Variants in CLSTN2 observed in about 807,000 individuals in gnomAD.
CLSTN2 encodes calsyntenin 2, also known as calsyntenin-2.
A neutral mutation model predicts 101.2 loss-of-function variants in CLSTN2; 48 were observed. That is an observed-to-expected ratio of 0.47 (90% confidence interval 0.38 to 0.60). The LOEUF is 0.60. Ranked by LOEUF, CLSTN2 falls within the 20% of genes least tolerant of loss-of-function variation. The pLI, the probability that CLSTN2 is intolerant of heterozygous loss-of-function variation, is 0.00. For missense variants in CLSTN2, 1,160 were observed against 1,238.2 expected (o/e 0.94, Z 0.95); for synonymous variants, 481 against 463.6 (o/e 1.04, Z -0.48).
chr3:140,168,396 T>C, intron 1 of CLSTN2, among the ~76,000 whole-genome samples: 1 of 152,162 alleles, frequency 6.6e-6, no homozygotes, highest in East Asian at 1.9e-4. Flanking sequence ...AAGAATTATT[T>C]ATATATTTTG....
chr3:140,267,549 AG>A (rs1315164691), intron 2 of CLSTN2, among the ~76,000 whole-genome samples: 3 of 152,224 alleles, frequency 2.0e-5, no homozygotes, highest in Non-Finnish European at 2.9e-5. Flanking sequence ...AATTACTGAA[AG>A]GACCTGAAAA....
chr3:140,195,186 A>C (rs1412360687), intron 2 of CLSTN2, among the ~76,000 whole-genome samples: 2 of 152,192 alleles, frequency 1.3e-5, no homozygotes, highest in Admixed American at 1.3e-4. Flanking sequence ...TGAGTAGAGC[A>C]GCTGTTGTCT....
At chr3:140,187,224 C>G (rs1288097563) in intron 2 of CLSTN2, among the ~76,000 whole-genome samples, 1 of 152,152 alleles carries the variant, frequency 6.6e-6, no homozygotes, top group Non-Finnish European at 1.5e-5. Context: ...TGCTCTGTCT[C>G]CCTGAGATGA....
chr3:140,246,454 T>C (rs565028336), intron 2 of CLSTN2, among the ~76,000 whole-genome samples: 1 of 152,088 alleles, frequency 6.6e-6, no homozygotes. Context: ...ATCGGACATA[T>C]GTGAATCAGA....
At chr3:140,051,776 T>C (rs1197691804) in intron 1 of CLSTN2, among the ~76,000 whole-genome samples, 8 of 152,138 alleles carry the variant, frequency 5.3e-5, no homozygotes, top group Non-Finnish European at 1.2e-4. Flanking sequence ...TCTGGGATTG[T>C]TGTAAAATCC....
At chr3:140,225,702 TG>T (rs1366553917) in intron 2 of CLSTN2, among the ~76,000 whole-genome samples, 1 of 152,142 alleles carries the variant, frequency 6.6e-6, no homozygotes, top group African/African-American at 2.4e-5. Context: ...TTCACCATGT[TG>T]GCAAGGATGT....
chr3:140,100,233 C>T (rs2008942836), intron 1 of CLSTN2, among the ~76,000 whole-genome samples: 1 of 151,522 alleles, frequency 6.6e-6, no homozygotes, highest in African/African-American at 2.4e-5. Context: ...TGACTCCCCT[C>T]ATCTATTGCT....
At chr3:140,185,473 G>A (rs2010472608) in intron 2 of CLSTN2, among the ~76,000 whole-genome samples, 2 of 152,150 alleles carry the variant, frequency 1.3e-5, no homozygotes, top group Admixed American at 6.6e-5. Flanking sequence ...AAGTAATGAT[G>A]CAAACACATT....
chr3:140,221,207 C>T, intron 2 of CLSTN2, among the ~76,000 whole-genome samples: 1 of 152,156 alleles, frequency 6.6e-6, no homozygotes, highest in East Asian at 1.9e-4. Context: ...AATCTTTTAT[C>T]CAAATTTCAT....
chr3:140,020,973 C>T (rs1264551843), intron 1 of CLSTN2, among the ~76,000 whole-genome samples: 2 of 152,112 alleles, frequency 1.3e-5, no homozygotes, highest in African/African-American at 4.8e-5. Flanking sequence ...CTATAAATGA[C>T]TTAAAAACTT....
At chr3:140,513,332 T>C (rs1378930433) in intron 8 of CLSTN2, among the ~76,000 whole-genome samples, 1 of 152,202 alleles carries the variant, frequency 6.6e-6, no homozygotes, top group Non-Finnish European at 1.5e-5. Flanking sequence ...TGTTAAATTT[T>C]ATCAAAGGCC....
intron 2 of CLSTN2, among the ~76,000 whole-genome samples, chr3:140,345,513 G>A (rs1353056286): frequency 6.6e-6 from 1 of 151,626 alleles, no homozygotes; most frequent in Non-Finnish European, 1.5e-5. Context: ...GCCTCCCAAA[G>A]TGTTGGGATT....
chr3:140,173,316 G>T (rs1356428806), intron 1 of CLSTN2, among the ~76,000 whole-genome samples: 2 of 152,202 alleles, frequency 1.3e-5, no homozygotes, highest in Non-Finnish European at 2.9e-5. Context: ...CTCATATCCA[G>T]GTCACCCTGA....
At chr3:140,090,037 G>A (rs574603708) in intron 1 of CLSTN2, among the ~76,000 whole-genome samples, 1 of 133,916 alleles carries the variant, frequency 7.5e-6, no homozygotes, top group East Asian at 2.2e-4. Flanking sequence ...GGGTGAGGGG[G>A]CTTATTACAA....
At chr3:140,371,738 C>G (rs932489234) in intron 2 of CLSTN2, among the ~76,000 whole-genome samples, 2 of 152,218 alleles carry the variant, frequency 1.3e-5, no homozygotes, top group Non-Finnish European at 1.5e-5. Context: ...CTTGGCATCT[C>G]TACCAAACCA....
intron 8 of CLSTN2, among the ~76,000 whole-genome samples, chr3:140,497,179 G>T (rs532710419): frequency 6.6e-6 from 1 of 151,526 alleles, no homozygotes; most frequent in East Asian, 1.9e-4. Context: ...AGCCTTCCTC[G>T]TGCAGATAGC....
chr3:140,052,391 A>G (rs941955847), intron 1 of CLSTN2, among the ~76,000 whole-genome samples: 1 of 152,124 alleles, frequency 6.6e-6, no homozygotes, highest in African/African-American at 2.4e-5. Context: ...CTCCTGACCT[A>G]GTGATCCACC....
chr3:139,957,574 T>G (rs2107813047), intron 1 of CLSTN2, among the ~76,000 whole-genome samples: 1 of 152,238 alleles, frequency 6.6e-6, no homozygotes, highest in South Asian at 2.1e-4. Context: ...TCTTAATTCA[T>G]ACTGGCATCC....
At chr3:140,499,393 A>C (rs1284305214) in intron 8 of CLSTN2, among the ~76,000 whole-genome samples, 1 of 152,252 alleles carries the variant, frequency 6.6e-6, no homozygotes, top group Non-Finnish European at 1.5e-5. Context: ...ACTGTCTTCA[A>C]GGACCCCAAT....
Sources: gnomAD v4.1 joint callset for allele counts (sites outside exome capture counted in the v4.1 genomes callset) on GRCh38, gnomAD v4.1.1 for gene constraint, MANE v1.5 for transcripts, NCBI Gene and HGNC (gene_info 2026-07-23, HGNC 2026-07-21) for gene names.